Variants in SIPA1L1 observed in about 807,000 individuals in gnomAD.
The protein encoded by SIPA1L1 is signal-induced proliferation-associated 1-like protein 1.
Under a neutral mutation model 162.7 loss-of-function variants are expected in SIPA1L1, and 26 were observed. The observed-to-expected ratio is 0.16, with a 90% CI of 0.12 to 0.22. The LOEUF (loss-of-function observed/expected upper bound fraction) is 0.22, where lower values mean the gene tolerates loss of function less well. Ranked by LOEUF, SIPA1L1 falls within the 10% of genes least tolerant of loss-of-function variation. SIPA1L1 has a pLI of 1.00. For synonymous variants in SIPA1L1, 829 were observed against 837.4 expected, an observed-to-expected ratio of 0.99 and a Z score of 0.17; for missense variants, 1,874 against 2,241.0, an observed-to-expected ratio of 0.84 and a Z score of 3.31.
At chr14:71,736,008 CTGTA>C (rs937751081) in intron 22 of SIPA1L1, among the ~76,000 whole-genome samples, 1 of 152,204 alleles carries the variant, frequency 6.6e-6, no homozygotes, top group Non-Finnish European at 1.5e-5. Context: ...GTGCTAATTT[CTGTA>C]TGTTAAAGCA....
Position 71,729,988 on chromosome 14 carries a change from C to G in SIPA1L1, c.4615-67C>G, listed in dbSNP as rs2084613717. The G allele has an allele frequency of 3.2e-6, 5 of 1,561,126 alleles. No individual in the cohort carries two copies. The South Asian group carries it at 6.1e-5, about 19-fold the overall frequency. ...CAGTAACTTGGTTATCCCACCCTCC[C>G]CCAACCTTGGTCTCAGGGATCTGAA... On this transcript the variant is annotated intron_variant, in intron 19 of 23. Transcript: ENST00000381232.
intron 14 of SIPA1L1, among the ~76,000 whole-genome samples, chr14:71,700,237 T>G (rs2081980430): frequency 6.6e-6 from 1 of 152,214 alleles, no homozygotes. Context: ...GTTTAAAAGT[T>G]TACACTGCTA....
chr14:71,500,133 G>C (rs2050090830), intron 2 of SIPA1L1, among the ~76,000 whole-genome samples: 1 of 152,114 alleles, frequency 6.6e-6, no homozygotes, highest in South Asian at 2.1e-4. Context: ...GGAAGACATT[G>C]ATAAGTTGAA....
At chr14:71,322,266 T>G (rs1289402182) in intron 2 of SIPA1L1, among the ~76,000 whole-genome samples, 1 of 152,234 alleles carries the variant, frequency 6.6e-6, no homozygotes, top group East Asian at 1.9e-4. Context: ...AGTGTCAACT[T>G]TCTCCTGTTT....
chr14:71,427,269 C>T (rs1426359857), intron 2 of SIPA1L1, among the ~76,000 whole-genome samples: 2 of 152,090 alleles, frequency 1.3e-5, no homozygotes, highest in African/African-American at 4.8e-5. Context: ...CTTCATTTCG[C>T]ACCCACTTTT....
chr14:71,713,347 T>C lies in SIPA1L1; in HGVS notation c.4208+3683T>C, dbSNP rs923517570. Among the ~76,000 whole-genome samples the C allele has an allele frequency of 2.0e-5, 3 of 152,240 alleles. No homozygotes were observed. The East Asian group carries it at 5.8e-4, about 29-fold the overall frequency. On this transcript the variant is annotated intron_variant, in intron 17 of 23. Transcript: ENST00000381232. Reference sequence around the variant, plus strand: ...CAGTATTTGCACAGAGCTGCAGTGCTTATAGGTGTAGGTATGAGAGCATAC... The same window carrying C: ...CAGTATTTGCACAGAGCTGCAGTGCCTATAGGTGTAGGTATGAGAGCATAC...
intron 12 of SIPA1L1, among the ~76,000 whole-genome samples, chr14:71,677,737 T>C (rs2149456762): frequency 1.3e-5 from 2 of 152,338 alleles, no homozygotes; most frequent in East Asian, 1.9e-4. Context: ...GGGAATCCTG[T>C]GCCCATTTCT....
intron 5 of SIPA1L1, among the ~76,000 whole-genome samples, chr14:71,596,309 A>G (rs1468810978): frequency 6.6e-6 from 1 of 152,158 alleles, no homozygotes; most frequent in Non-Finnish European, 1.5e-5. Context: ...TTACCCCAGC[A>G]TGCTCAGCTA....
intron 5 of SIPA1L1, among the ~76,000 whole-genome samples, chr14:71,592,802 G>A (rs902775804): frequency 3.3e-5 from 5 of 152,150 alleles, no homozygotes; most frequent in African/African-American, 4.8e-5. Flanking sequence ...CAACATAGAA[G>A]CCAGGTCCAT....
chr14:71,665,754 C>T (rs946510617), intron 10 of SIPA1L1, among the ~76,000 whole-genome samples: 2 of 152,040 alleles, frequency 1.3e-5, no homozygotes, highest in Admixed American at 6.6e-5. Context: ...AGAGGATGCC[C>T]GAAACCATGG....
At chr14:71,679,629 C>T (rs1446731667) in intron 12 of SIPA1L1, among the ~76,000 whole-genome samples, 1 of 152,192 alleles carries the variant, frequency 6.6e-6, no homozygotes, top group East Asian at 1.9e-4. Context: ...AATTAAAAGA[C>T]ACAGACTGGC....
chr14:71,592,616 G>C (rs1305351129), intron 5 of SIPA1L1, among the ~76,000 whole-genome samples: 1 of 151,838 alleles, frequency 6.6e-6, no homozygotes, highest in Admixed American at 6.6e-5. Context: ...TGACTTCACT[G>C]TGGCTAAGTC....
chr14:71,545,030 T>G (rs1294819215), intron 4 of SIPA1L1, among the ~76,000 whole-genome samples: 1 of 152,144 alleles, frequency 6.6e-6, no homozygotes, highest in Non-Finnish European at 1.5e-5. Context: ...GCCCAGTTAA[T>G]TTTTATTTTT....
intron 22 of SIPA1L1, 138 bp from the exon 23 acceptor site, chr14:71,738,103 T>A: frequency 1.9e-6 from 1 of 524,212 alleles, no homozygotes; most frequent in Non-Finnish European, 3.3e-6. Flanking sequence ...ACTCATTGGG[T>A]CGCCATACTG....
chr14:71,521,475 G>A (rs924391178), intron 3 of SIPA1L1, among the ~76,000 whole-genome samples: 1 of 152,172 alleles, frequency 6.6e-6, no homozygotes, highest in Non-Finnish European at 1.5e-5. Context: ...TATAGGGAGG[G>A]TATCTGTGGA....
Position 71,709,679 on chromosome 14 carries a change from C to T in SIPA1L1, c.4208+15C>T. ...TCCCACACAAGGTAACCACCCTTCC[C>T]CGCTGTCTGATTCCCAGCCCAGACC... On this transcript the variant is annotated intron_variant, in intron 17 of 23. Coordinates refer to ENST00000381232, the MANE Select transcript of SIPA1L1 (RefSeq NM_001386936.1). 1 of 1,598,012 alleles carries T rather than the reference C, an allele frequency of 6.3e-7. No homozygotes were observed. Among genetic ancestry groups the T allele is most frequent in the East Asian group, 2.2e-5 (1 of 44,756 alleles).
chr14:71,678,967 A>G (rs1316274632), intron 12 of SIPA1L1, among the ~76,000 whole-genome samples: 1 of 152,160 alleles, frequency 6.6e-6, no homozygotes, highest in Non-Finnish European at 1.5e-5. Flanking sequence ...TGATTGGTGT[A>G]CCTGAAAGTG....
intron 7 of SIPA1L1, among the ~76,000 whole-genome samples, chr14:71,646,983 C>G (rs1457410353): frequency 6.6e-6 from 1 of 152,176 alleles, no homozygotes; most frequent in African/African-American, 2.4e-5. Context: ...TTAGCTCCTT[C>G]TCTTAGAATG....
chr14:71,447,562 ATTT>A (rs61686460), intron 2 of SIPA1L1, among the ~76,000 whole-genome samples: 65 of 127,754 alleles, frequency 5.1e-4, no homozygotes, highest in South Asian at 1.3e-3. Context: ...TGTACTGTGG[ATTT>A]TTTTTTTTTT....
Sources: allele counts gnomAD v4.1 joint callset (sites outside exome capture counted in the v4.1 genomes callset), GRCh38; gene constraint gnomAD v4.1.1; transcripts MANE v1.5; gene names NCBI Gene and HGNC (gene_info 2026-07-23, HGNC 2026-07-21).